Variants in SUPV3L1 observed in about 807,000 individuals in gnomAD.
The protein encoded by SUPV3L1 is ATP-dependent RNA helicase SUPV3L1, mitochondrial.
SUPV3L1 carries 35 observed loss-of-function variants against 70.0 expected under a neutral mutation model. The ratio of observed to expected loss-of-function variants is 0.50; its 90% CI spans 0.38 to 0.66. The LOEUF (loss-of-function observed/expected upper bound fraction) is 0.66, where lower values mean the gene tolerates loss of function less well. Ranked by LOEUF, SUPV3L1 falls within the 30% of genes least tolerant of loss-of-function variation. The pLI is 0.00. For missense variants in SUPV3L1, 777 were observed against 961.5 expected, an observed-to-expected ratio of 0.81 and a Z score of 2.54; for synonymous variants, 364 against 341.9, an observed-to-expected ratio of 1.06 and a Z score of -0.71.
At chr10:69,186,345 G>GA (rs71035072) in intron 2 of SUPV3L1, 98 bp from the exon 3 acceptor site, 193,138 of 513,412 alleles carry the variant, frequency 0.38, 24,625 homozygotes, top group Middle Eastern at 0.47. Context: ...AAAAAAAAAA[G>GA]AAAAAAAAAG....
intron 1 of SUPV3L1, among the ~76,000 whole-genome samples, chr10:69,183,018 T>C (rs1041654832): frequency 1.2e-4 from 18 of 152,194 alleles, no homozygotes; most frequent in Admixed American, 1.0e-3. Context: ...CCTGGACCTA[T>C]ATATCTCGCT....
intron 1 of SUPV3L1, among the ~76,000 whole-genome samples, chr10:69,183,086 A>G (rs1842112273): frequency 6.6e-6 from 1 of 152,182 alleles, no homozygotes; most frequent in Non-Finnish European, 1.5e-5. Context: ...GCATGTCAAG[A>G]CAACTTACCT....
intron 1 of SUPV3L1, among the ~76,000 whole-genome samples, chr10:69,182,034 A>G (rs1324220068): frequency 6.9e-6 from 1 of 144,930 alleles, no homozygotes; most frequent in Non-Finnish European, 1.5e-5. Flanking sequence ...TTGCTCTGTT[A>G]CCCAAGCTGG....
At chr10:69,197,236 G>A (rs969709859) in intron 8 of SUPV3L1, among the ~76,000 whole-genome samples, 153 bp downstream of exon 8, 1 of 152,192 alleles carries the variant, frequency 6.6e-6, no homozygotes, top group African/African-American at 2.4e-5. Context: ...ATATATATTT[G>A]ATTGAACCTC....
chr10:69,200,452 C>G lies in SUPV3L1; in HGVS notation c.1471C>G (p.Leu491Val). The change falls in exon 11 of 15, where the codon CTC becomes GTC. Residue 491 changes from leucine (L) to valine (V), a missense_variant. Leu to Val is a conservative substitution (Grantham distance 32). Transcript: ENST00000359655. Reference protein sequence around the residue: ...GEVTTMNHEDLSLLKEILKRP... With the variant: ...GEVTTMNHEDVSLLKEILKRP... The stretch of plus-strand genomic sequence containing the variant: ...GGTTACAACAATGAATCATGAAGAT[C>G]TCAGTTTATTAAAGGAAATTTTGAA... 1 of 1,614,060 alleles carries G rather than the reference C, an allele frequency of 6.2e-7. No homozygotes were observed. Among genetic ancestry groups the G allele is most frequent in the African/African-American group, 1.3e-5 (1 of 74,994 alleles).
chr10:69,204,306 GCCT>G (rs1283192084), intron 13 of SUPV3L1, among the ~76,000 whole-genome samples: 3 of 152,002 alleles, frequency 2.0e-5, no homozygotes, highest in Non-Finnish European at 2.9e-5. Flanking sequence ...AAACCCAAAG[GCCT>G]CCTCTTCTCT....
intron 3 of SUPV3L1, 33 bp from the exon 4 acceptor site, chr10:69,187,609 T>G: frequency 1.4e-6 from 2 of 1,430,320 alleles, no homozygotes; most frequent in Non-Finnish European, 9.7e-7. Context: ...TTTATGTAGA[T>G]TGCACATGTT....
At chr10:69,199,724 C>A (rs1842635103) in intron 10 of SUPV3L1, among the ~76,000 whole-genome samples, 1 of 152,158 alleles carries the variant, frequency 6.6e-6, no homozygotes, top group Non-Finnish European at 1.5e-5. Flanking sequence ...TACTGCTAAC[C>A]TATTGTACTA....
Position 69,207,895 on chromosome 10 carries a change from G to T in SUPV3L1, c.1879G>T (p.Asp627Tyr). The change falls in exon 14 of 15, where the codon GAT becomes TAT. Residue 627 changes from aspartate to tyrosine, a missense_variant. Transcript: ENST00000359655. ...ACCTAAGAATATTAAAGACCTCATG[G>T]ATCTTGAAGCTGTCCACGATGTCTT... Reference protein sequence around the residue: ...LPPKNIKDLMDLEAVHDVLDL... With the variant: ...LPPKNIKDLMYLEAVHDVLDL... 2 of 1,614,126 alleles carry T rather than the reference G, an allele frequency of 1.2e-6. No homozygotes were observed. The highest frequency in any genetic ancestry group is 1.7e-6 in the Non-Finnish European group (2 of 1,180,024).
chr10:69,186,642 G>T (rs1842241353), intron 3 of SUPV3L1, 92 bp downstream of exon 3: 3 of 1,063,932 alleles, frequency 2.8e-6, no homozygotes, highest in Non-Finnish European at 4.2e-6. Context: ...GGCTTATTTG[G>T]TTTAGAGTGG....
Position 69,207,931 on chromosome 10 carries a change from T to C in SUPV3L1, c.1915T>C (p.Leu639=), listed in dbSNP as rs1390689727. 6.2e-7 allele frequency: 1 copy of C among 1,613,774 alleles called. No individual in the cohort carries two copies. The highest frequency in any genetic ancestry group is 2.2e-5 in the East Asian group (1 of 44,904). The change falls in exon 14 of 15, where the codon TTG becomes CTG. Residue 639 remains leucine (L), a synonymous_variant. Transcript: ENST00000359655. ...TGTCCACGATGTCTTGGATCTTTAC[T>C]TGTGGCTAAGGTACCAACATTTTTC... ...EAVHDVLDLY[L]WLSYRFMDMF... is the part of the protein sequence containing the mutation.
rs113884926 is a variant in SUPV3L1 at position 69,198,610 on chromosome 10, T to C, written c.1204+58T>C. ...AAATCTCCTATCTTTGCAATTTATGTTGAGATATATATAAAAAAATGGTAA... is the reference window on the plus strand; with the variant it reads ...AAATCTCCTATCTTTGCAATTTATGCTGAGATATATATAAAAAAATGGTAA... On this transcript the variant is annotated intron_variant, in intron 9 of 14. Transcript: ENST00000359655. 4.7e-4 allele frequency: 707 copies of C among 1,518,014 alleles called. 3 individuals are homozygous for C. In the African/African-American group the frequency reaches 8.3e-3, roughly 18 times the overall value. The allele number at this position is 1,518,014 out of a possible 1,614,324, so 94.0% of individuals were successfully genotyped here.
At chr10:69,202,618 G>T in intron 12 of SUPV3L1, 99 bp downstream of exon 12, 1 of 1,271,210 alleles carries the variant, frequency 7.9e-7, no homozygotes, top group East Asian at 2.4e-5. Flanking sequence ...CTGCCTTTGA[G>T]AAGTTGCTAT....
At chr10:69,201,981 C>T (rs1842694441) in intron 11 of SUPV3L1, among the ~76,000 whole-genome samples, 1 of 151,818 alleles carries the variant, frequency 6.6e-6, no homozygotes, top group Non-Finnish European at 1.5e-5. Flanking sequence ...GCTGGGATTA[C>T]AGGCACGCAG....
At chr10:69,188,506 T>G (rs1223344290) in intron 4 of SUPV3L1, among the ~76,000 whole-genome samples, 1 of 151,238 alleles carries the variant, frequency 6.6e-6, no homozygotes, top group African/African-American at 2.4e-5. Flanking sequence ...TGATTTTTTT[T>G]GTTTGTTTTT....
chr10:69,206,735 G>A (rs552610742), intron 13 of SUPV3L1, among the ~76,000 whole-genome samples: 206 of 152,334 alleles, frequency 1.4e-3, no homozygotes, highest in African/African-American at 4.8e-3. Flanking sequence ...ACAGCCAGGT[G>A]CGGTGGCTCA....
At chr10:69,187,595 G>A (rs781392836) in intron 3 of SUPV3L1, 47 bp from the exon 4 acceptor site, 5 of 1,352,838 alleles carry the variant, frequency 3.7e-6, no homozygotes, top group South Asian at 2.6e-5. Context: ...ATTTAGTTAC[G>A]AATTTTATGT....
intron 1 of SUPV3L1, 35 bp downstream of exon 1, chr10:69,180,597 G>T: frequency 6.2e-7 from 1 of 1,607,522 alleles, no homozygotes; most frequent in Non-Finnish European, 8.5e-7. Flanking sequence ...GGCAGAGGGT[G>T]GTGTCTGCTG....
At chr10:69,194,357 C>G (rs561824596) in intron 6 of SUPV3L1, among the ~76,000 whole-genome samples, 233 of 144,752 alleles carry the variant, frequency 1.6e-3, no homozygotes, top group African/African-American at 5.4e-3. Flanking sequence ...AAAAAAAAAC[C>G]TTTTTTTTTT....
Sources: allele counts gnomAD v4.1 joint callset (sites outside exome capture counted in the v4.1 genomes callset), GRCh38; gene constraint gnomAD v4.1.1; transcripts MANE v1.5; gene names NCBI Gene and HGNC (gene_info 2026-07-23, HGNC 2026-07-21).